Variants in RPL3 observed in about 807,000 individuals in gnomAD.
RPL3 encodes the protein ribosomal protein L3.
Under a neutral mutation model 46.0 loss-of-function variants are expected in RPL3, and 3 were observed. The ratio of observed to expected loss-of-function variants is 0.07; its 90% CI spans 0.03 to 0.17. The LOEUF is 0.17. RPL3 is among the 10% of genes least tolerant of loss of function. The pLI is 1.00. For missense variants in RPL3, 387 were observed against 532.7 expected (o/e 0.73, Z 2.69); for synonymous variants, 224 against 190.8 (o/e 1.17, Z -1.43).
intron 9 of RPL3, 29 bp from the exon 10 acceptor site, chr22:39,313,013 TAGA>T (rs773458939): frequency 1.4e-5 from 22 of 1,613,784 alleles, no homozygotes; most frequent in Admixed American, 3.3e-5. Flanking sequence ...TGGTCAGAGG[TAGA>T]AGATGACAGG....
At chr22:39,313,045 C>G in intron 9 of RPL3, 61 bp from the exon 10 acceptor site, 1 of 1,612,012 alleles carries the variant, frequency 6.2e-7, no homozygotes, top group Non-Finnish European at 8.5e-7. Flanking sequence ...GATGCCCACT[C>G]TAGAGGAGAC....
chr22:39,319,478 G>A (rs748418450), intron 1 of RPL3, 117 bp downstream of exon 1: 3 of 1,380,012 alleles, frequency 2.2e-6, no homozygotes, highest in South Asian at 1.3e-5. Context: ...CCGCTGGGTC[G>A]CCCGTGCCCC....
rs746979979 is a variant in RPL3 at position 39,316,998 on chromosome 22, C to T, written c.366-157G>A. The T allele has an allele frequency of 5.3e-6, 6 of 1,134,234 alleles. No individual in the cohort carries two copies. In the South Asian group the frequency reaches 7.7e-5, roughly 15 times the overall value. 70.3% of individuals were successfully genotyped at this position (1,134,234 alleles called of 1,614,324 possible). A position where few individuals can be genotyped will look rare whatever the true frequency, so the allele number is the denominator to read the frequency against. On this transcript the variant is annotated intron_variant, in intron 3 of 9. Coordinates refer to ENST00000216146, the MANE Select transcript of RPL3 (RefSeq NM_000967.4). Reference sequence around the variant, plus strand: ...ACCAGCAAGCGGAGCCTGGATGGAGCTCATCGGGCAGAGCCGAGCGGAGCT... The same window carrying T: ...ACCAGCAAGCGGAGCCTGGATGGAGTTCATCGGGCAGAGCCGAGCGGAGCT...
At chr22:39,316,566 C>T (rs1467569778) in intron 4 of RPL3, 140 bp downstream of exon 4, 1 of 1,063,270 alleles carries the variant, frequency 9.4e-7, no homozygotes, top group Non-Finnish European at 1.4e-6. Context: ...GGTTCCCTTG[C>T]TAAGGGCCAG....
intron 3 of RPL3, 66 bp downstream of exon 3, chr22:39,317,395 C>A: frequency 1.9e-6 from 3 of 1,548,346 alleles, no homozygotes; most frequent in Non-Finnish European, 2.6e-6. Flanking sequence ...AAACCATGCA[C>A]ACGCTGCTCC....
chr22:39,319,474 G>A (rs1282261218), intron 1 of RPL3, 121 bp downstream of exon 1: 1 of 1,340,464 alleles, frequency 7.5e-7, no homozygotes, highest in Non-Finnish European at 1.0e-6. Context: ...GTCCCCGCTG[G>A]GTCGCCCGTG....
At chr22:39,316,938 T>C in intron 3 of RPL3, 97 bp from the exon 4 acceptor site, 1 of 1,586,312 alleles carries the variant, frequency 6.3e-7, no homozygotes, top group Non-Finnish European at 8.6e-7. Flanking sequence ...CGCGTGGGGA[T>C]GGAGCTCATT....
intron 8 of RPL3, 121 bp from the exon 9 acceptor site, chr22:39,313,431 C>T: frequency 6.8e-7 from 1 of 1,471,864 alleles, no homozygotes; most frequent in South Asian, 1.3e-5. Context: ...CACCATCCGG[C>T]AGATGAGGAC....
intron 6 of RPL3, chr22:39,314,431 C>A (rs1182743264): frequency 4.8e-6 from 3 of 627,084 alleles, no homozygotes; most frequent in Non-Finnish European, 8.3e-6. Flanking sequence ...GGCCTGTCAC[C>A]CCCCTGGTGG....
chr22:39,315,273 C>G (rs764788732), intron 5 of RPL3, 96 bp downstream of exon 5: 5 of 1,486,770 alleles, frequency 3.4e-6, no homozygotes, highest in Middle Eastern at 1.7e-4. Flanking sequence ...GGGCGCTGTA[C>G]CCAGCGCTCA....
chr22:39,318,488 G>A lies in RPL3; in HGVS notation c.108C>T (p.Asp36=), dbSNP rs775030862. Residue 36 remains aspartate, a synonymous_variant, in exon 2 of 10, where the codon GAC becomes GAT. Coordinates refer to ENST00000216146, the MANE Select transcript of RPL3 (RefSeq NM_000967.4). Reference sequence around the variant, plus strand: ...CTGTGAGGTGGACCGGCTTGGACGGGTCATCCTTAGGGAAGCTCTTCACCT... The same window carrying A: ...CTGTGAGGTGGACCGGCTTGGACGGATCATCCTTAGGGAAGCTCTTCACCT... ...RGKVKSFPKD[D]PSKPVHLTAF... 9.3e-6 allele frequency: 15 copies of A among 1,613,886 alleles called. No individual in the cohort carries two copies. The Admixed American group carries it at 2.2e-4, about 23-fold the overall frequency.
intron 1 of RPL3, chr22:39,319,358 G>A: frequency 4.8e-6 from 3 of 618,814 alleles, no homozygotes; most frequent in South Asian, 3.9e-5. Flanking sequence ...CTCCAAGCCT[G>A]CTCCCACCCT....
chr22:39,316,063 A>G (rs574503386), intron 4 of RPL3, among the ~76,000 whole-genome samples: 2 of 152,298 alleles, frequency 1.3e-5, no homozygotes, highest in Admixed American at 6.5e-5. Context: ...AACATGGAGA[A>G]ACCCCGTCTC....
chr22:39,317,176 G>A (rs988402412), intron 3 of RPL3: 11 of 571,036 alleles, frequency 1.9e-5, no homozygotes, highest in Admixed American at 1.3e-4. Flanking sequence ...CCCTATAGGG[G>A]TTTAATTATT....
rs901398615 is a variant in RPL3 at position 39,314,263 on chromosome 22, A to G, written c.850-55T>C. ...GGCATTAGGGACAAATAACCCAGAC[A>G]TGCCAGTGTGCTGACCTGCAAAGCA... On this transcript the variant is annotated intron_variant, in intron 6 of 9. Coordinates refer to ENST00000216146, the MANE Select transcript of RPL3 (RefSeq NM_000967.4). The G allele has an allele frequency of 2.6e-5, 39 of 1,481,624 alleles. 1 individual carries two copies. Among genetic ancestry groups the G allele is most frequent in the Middle Eastern group, 3.5e-4 (2 of 5,764 alleles). 91.8% of individuals were successfully genotyped at this position (1,481,624 alleles called of 1,614,324 possible). A position where few individuals can be genotyped will look rare whatever the true frequency, so the allele number is the denominator to read the frequency against.
In RPL3 at chr22:39,319,287, T is replaced by A. The variant is rs1922902534; in HGVS notation, c.3+308A>T. 4 of 535,768 alleles carry A rather than the reference T, an allele frequency of 7.5e-6. No individual in the cohort carries two copies. In the South Asian group the frequency reaches 7.8e-5, roughly 10 times the overall value. 33.2% of individuals were successfully genotyped at this position (535,768 alleles called of 1,614,324 possible). On this transcript the variant is annotated intron_variant, in intron 1 of 9. Transcript: ENST00000216146. ...GCAGGTTATGGGCCCTAATCCCAAC[T>A]AATGATAGAATTGGTGAGGTCGAAA... is the stretch of plus-strand genomic sequence containing the variant.
intron 3 of RPL3, 127 bp from the exon 4 acceptor site, chr22:39,316,968 T>C (rs955256098): frequency 1.4e-6 from 2 of 1,470,876 alleles, no homozygotes; most frequent in African/African-American, 2.8e-5. Context: ...TAAGGAGCCT[T>C]TTCCACCAGC....
chr22:39,315,654 G>C, intron 4 of RPL3, 99 bp from the exon 5 acceptor site: 1 of 1,401,354 alleles, frequency 7.1e-7, no homozygotes, highest in Non-Finnish European at 9.8e-7. Context: ...CAAGCACACG[G>C]CAAAAAGCCA....
chr22:39,316,723 C>T lies in RPL3; in HGVS notation c.484G>A (p.Val162Ile). The change falls in exon 4 of 10, where the codon GTC becomes ATC. Residue 162 changes from valine (V) to isoleucine (I), a missense_variant. By Grantham distance (29) the Val-to-Ile change is conservative (BLOSUM62 3). Transcript: ENST00000216146. Reference protein sequence around the residue: ...SMKKYCQVIRVIAHTQMRLLP... With the variant: ...SMKKYCQVIRIIAHTQMRLLP... ...GGGCTCACCTGGGTGTGGGCAATGA[C>T]ACGGATGACTTGGCAGTACTTCTTC... The T allele has an allele frequency of 1.9e-6, 3 of 1,612,486 alleles. No individual in the cohort carries two copies. Among genetic ancestry groups the T allele is most frequent in the Admixed American group, 1.7e-5 (1 of 60,024 alleles).
Sources: gnomAD v4.1 joint callset for allele counts (sites outside exome capture counted in the v4.1 genomes callset) on GRCh38, gnomAD v4.1.1 for gene constraint, MANE v1.5 for transcripts, NCBI Gene and HGNC (gene_info 2026-07-23, HGNC 2026-07-21) for gene names.